Variants in COL14A1 observed in about 807,000 individuals in gnomAD.
COL14A1 encodes collagen alpha-1(XIV) chain.
A neutral mutation model predicts 230.3 loss-of-function variants in COL14A1; 136 were observed. The observed-to-expected ratio is 0.59, with a 90% CI of 0.51 to 0.68. The LOEUF (loss-of-function observed/expected upper bound fraction) is 0.68, where lower values mean the gene tolerates loss of function less well. COL14A1 is among the 30% of genes least tolerant of loss of function. The pLI is 0.00. For synonymous variants in COL14A1, 792 were observed against 784.1 expected (o/e 1.01, Z -0.17); for missense variants, 1,976 against 2,215.8 (o/e 0.89, Z 2.17).
rs61754507 is a variant in COL14A1 at position 120,289,648 on chromosome 8, T to C, written c.4118T>C (p.Ile1373Thr). ...VVSETLVKVVIDCKQVGEKAM... is the reference protein window; with the variant it reads ...VVSETLVKVVTDCKQVGEKAM... ...AGTGAGACTTTGGTCAAAGTGGTTA[T>C]TGACTGCAAGCAAGTGGGTGAGAAG... Residue 1373 changes from isoleucine (I) to threonine (T), a missense_variant, in exon 34 of 48, where the codon ATT becomes ACT. Ile to Thr is a moderately conservative substitution (Grantham distance 89, BLOSUM62 -1). Coordinates refer to ENST00000297848, the MANE Select transcript of COL14A1 (RefSeq NM_021110.4). 6,444 of 1,614,070 alleles carry C rather than the reference T, an allele frequency of 4.0e-3. 38 individuals carry two copies. The highest frequency in any genetic ancestry group is 0.019 in the South Asian group (1,693 of 91,076).
At chr8:120,363,389 G>A (rs916445496) in intron 45 of COL14A1, among the ~76,000 whole-genome samples, 1 of 152,130 alleles carries the variant, frequency 6.6e-6, no homozygotes, top group South Asian at 2.1e-4. Flanking sequence ...CAGGGACACA[G>A]GGAGGGGAAC....
At chr8:120,215,975 G>C (rs1817738242) in intron 13 of COL14A1, among the ~76,000 whole-genome samples, 1 of 152,176 alleles carries the variant, frequency 6.6e-6, no homozygotes, top group Admixed American at 6.5e-5. Context: ...AGGTAGAGTG[G>C]CTTTGCCAGA....
intron 43 of COL14A1, 103 bp downstream of exon 43, chr8:120,341,463 C>T (rs1822295876): frequency 1.7e-6 from 2 of 1,197,188 alleles, no homozygotes; most frequent in Non-Finnish European, 2.4e-6. Context: ...ATATTCATTG[C>T]AATTGTACCA....
chr8:120,360,634 G>GTTCT (rs1369677408), intron 45 of COL14A1, among the ~76,000 whole-genome samples: 66 of 152,262 alleles, frequency 4.3e-4, no homozygotes, highest in African/African-American at 1.5e-3. Context: ...AGTCCCCACA[G>GTTCT]GTGCCTCAGT....
At chr8:120,234,243 T>A (rs1818369726) in intron 19 of COL14A1, among the ~76,000 whole-genome samples, 1 of 152,196 alleles carries the variant, frequency 6.6e-6, no homozygotes, top group African/African-American at 2.4e-5. Context: ...AAATATGCAA[T>A]CATGTCATCT....
chr8:120,155,353 C>T (rs192068443), intron 2 of COL14A1, among the ~76,000 whole-genome samples: 2 of 152,266 alleles, frequency 1.3e-5, no homozygotes, highest in African/African-American at 2.4e-5. Flanking sequence ...GAACACCATC[C>T]AGATTACCTG....
At chr8:120,303,586 C>T (rs1226154622) in intron 36 of COL14A1, among the ~76,000 whole-genome samples, 1 of 152,158 alleles carries the variant, frequency 6.6e-6, no homozygotes, top group African/African-American at 2.4e-5. Flanking sequence ...GGGATGAAGC[C>T]TACTTGACTG....
intron 5 of COL14A1, among the ~76,000 whole-genome samples, chr8:120,195,956 C>T (rs1216186984): frequency 1.3e-5 from 2 of 152,100 alleles, no homozygotes; most frequent in Non-Finnish European, 2.9e-5. Context: ...CCTAAAGAAA[C>T]ACAGACCTAC....
chr8:120,360,575 G>C (rs1364611860), intron 45 of COL14A1, among the ~76,000 whole-genome samples: 1 of 152,214 alleles, frequency 6.6e-6, no homozygotes, highest in Non-Finnish European at 1.5e-5. Context: ...GATAATGCCT[G>C]TTCTTCAAGA....
chr8:120,309,084 G>A (rs1820944302), intron 36 of COL14A1, among the ~76,000 whole-genome samples: 1 of 152,174 alleles, frequency 6.6e-6, no homozygotes, highest in Admixed American at 6.6e-5. Flanking sequence ...GCAGGCACCC[G>A]CCACCACGCC....
chr8:120,324,184 C>T (rs549510281), intron 40 of COL14A1, among the ~76,000 whole-genome samples: 22 of 151,608 alleles, frequency 1.5e-4, no homozygotes, highest in African/African-American at 5.3e-4. Context: ...TGCAATTTAC[C>T]TGTATAAGAA....
chr8:120,369,953 C>A (rs997935487), intron 47 of COL14A1, among the ~76,000 whole-genome samples: 1 of 152,190 alleles, frequency 6.6e-6, no homozygotes, highest in Non-Finnish European at 1.5e-5. Flanking sequence ...ATCATGCATA[C>A]CACTTGCATT....
chr8:120,269,844 G>C (rs574552636), intron 25 of COL14A1, among the ~76,000 whole-genome samples, 191 bp from the exon 26 acceptor site: 1 of 151,834 alleles, frequency 6.6e-6, no homozygotes, highest in South Asian at 2.1e-4. Flanking sequence ...TAAGAACCTT[G>C]AGTATAAAAG....
chr8:120,259,893 A>G (rs889082370), intron 23 of COL14A1, among the ~76,000 whole-genome samples: 5 of 152,160 alleles, frequency 3.3e-5, no homozygotes, highest in African/African-American at 1.2e-4. Context: ...TCAAAAAGAA[A>G]CAGTTATTGT....
chr8:120,216,750 C>T (rs1479013449), intron 14 of COL14A1, among the ~76,000 whole-genome samples: 1 of 152,116 alleles, frequency 6.6e-6, no homozygotes, highest in Non-Finnish European at 1.5e-5. Context: ...GTATCTGGTG[C>T]CTGGTCTGGG....
chr8:120,189,922 G>T, intron 5 of COL14A1, among the ~76,000 whole-genome samples: 1 of 151,574 alleles, frequency 6.6e-6, no homozygotes. Context: ...CTTTGCTATC[G>T]TGAATAGTGC....
intron 13 of COL14A1, among the ~76,000 whole-genome samples, chr8:120,213,508 G>T (rs772952823): frequency 2.0e-5 from 3 of 152,122 alleles, no homozygotes; most frequent in Non-Finnish European, 2.9e-5. Flanking sequence ...TGTTATTCTT[G>T]CTCTTCGGAG....
rs200079461 is a variant in COL14A1, at chr8:120,315,959, G to T, written c.4621G>T (p.Val1541Phe). ...LPGPQGIPGG[V>F]GSPGRDGSPG... Reference sequence around the variant, plus strand: ...TTCTACACAGGGTATCCCAGGAGGCGTTGGTTCACCAGGACGTGATGGCTC... The same window carrying T: ...TTCTACACAGGGTATCCCAGGAGGCTTTGGTTCACCAGGACGTGATGGCTC... Residue 1541 changes from valine to phenylalanine, a missense_variant, in exon 40 of 48, where the codon GTT becomes TTT. This residue lies in a region of COL14A1 where 1,791 missense variants were observed against 2,019.5 expected (regional missense o/e 0.89). Coordinates refer to ENST00000297848, the MANE Select transcript of COL14A1 (RefSeq NM_021110.4). The T allele has an allele frequency of 1.9e-6, 3 of 1,613,810 alleles. No individual in the cohort carries two copies. The highest frequency in any genetic ancestry group is 2.7e-5 in the African/African-American group (2 of 74,912).
intron 15 of COL14A1, among the ~76,000 whole-genome samples, chr8:120,226,223 C>G (rs1379365861): frequency 6.6e-6 from 1 of 151,698 alleles, no homozygotes; most frequent in Non-Finnish European, 1.5e-5. Context: ...AGCAATTTAG[C>G]CACTAAAGCA....
Sources: gnomAD v4.1 joint callset for allele counts (sites outside exome capture counted in the v4.1 genomes callset) on GRCh38, gnomAD v4.1.1 for gene constraint, gnomAD v4.1.1 regional missense constraint, MANE v1.5 for transcripts, NCBI Gene and HGNC (gene_info 2026-07-23, HGNC 2026-07-21) for gene names.